PINX1: variants seen among roughly 807,000 people sequenced by gnomAD.
The protein encoded by PINX1 is PIN2 (TERF1) interacting telomerase inhibitor 1.
In PINX1, 34 loss-of-function variants were observed where a neutral mutation model predicts 25.4. That is an observed-to-expected ratio of 1.34 (90% CI 1.02 to 1.78). The LOEUF (loss-of-function observed/expected upper bound fraction) is 1.78. Among genes scored for constraint, PINX1 ranks in the 40% most tolerant of loss-of-function variants. The pLI, the probability that PINX1 is intolerant of heterozygous loss-of-function variation, is 0.00. For missense variants in PINX1, 592 were observed against 404.9 expected (o/e 1.46, Z -3.97); for synonymous variants, 197 against 147.7 (o/e 1.33, Z -2.42).
chr8:10,773,482 G>A (rs1436205029), intron 6 of PINX1, among the ~76,000 whole-genome samples: 1 of 152,142 alleles, frequency 6.6e-6, no homozygotes, highest in Non-Finnish European at 1.5e-5. Flanking sequence ...CTAATATCAG[G>A]CATCAGAACT....
intron 6 of PINX1, among the ~76,000 whole-genome samples, chr8:10,776,420 G>A (rs980529328): frequency 3.9e-5 from 5 of 129,146 alleles, no homozygotes; most frequent in African/African-American, 8.9e-5. Context: ...GTGAGACTCC[G>A]CTCAATAAAT....
chr8:10,815,359 T>C (rs1036103864), intron 6 of PINX1, among the ~76,000 whole-genome samples: 2 of 152,270 alleles, frequency 1.3e-5, no homozygotes, highest in African/African-American at 4.8e-5. Flanking sequence ...CGCTTTGATA[T>C]AATTTTCTTT....
At chr8:10,820,151 C>T (rs72549129) in intron 6 of PINX1, 42 bp downstream of exon 6, 7 of 1,223,444 alleles carry the variant, frequency 5.7e-6, no homozygotes, top group Middle Eastern at 1.9e-4. Flanking sequence ...GAAAATCAGA[C>T]AGTATTAAAG....
At chr8:10,835,863 CTTTT>C (rs200970284) in intron 1 of PINX1, among the ~76,000 whole-genome samples, 1 of 152,064 alleles carries the variant, frequency 6.6e-6, no homozygotes, top group African/African-American at 2.4e-5. Context: ...ATCAAAGCAA[CTTTT>C]TTTAATGCAT....
At chr8:10,776,858 C>T (rs938266066) in intron 6 of PINX1, among the ~76,000 whole-genome samples, 1 of 152,156 alleles carries the variant, frequency 6.6e-6, no homozygotes, top group Non-Finnish European at 1.5e-5. Context: ...CACACTGCAA[C>T]CCAAAGAAAG....
At chr8:10,823,999 G>C (rs557330273) in intron 5 of PINX1, among the ~76,000 whole-genome samples, 82 of 152,290 alleles carry the variant, frequency 5.4e-4, no homozygotes, top group Non-Finnish European at 1.0e-3. Context: ...GTTGCAATAT[G>C]AATCATCCTC....
At chr8:10,778,278 G>A (rs13256603) in intron 6 of PINX1, among the ~76,000 whole-genome samples, 7,263 of 152,078 alleles carry the variant, frequency 0.048, 195 homozygotes, top group South Asian at 0.077. Flanking sequence ...AAGAGTTTCC[G>A]ATTTTTGATT....
intron 6 of PINX1, among the ~76,000 whole-genome samples, chr8:10,815,576 C>A (rs943322493): frequency 6.6e-6 from 1 of 152,106 alleles, no homozygotes; most frequent in African/African-American, 2.4e-5. Flanking sequence ...CTTCGAAAAT[C>A]CAATGAAAGC....
chr8:10,766,123 G>C (rs891556), intron 6 of PINX1, among the ~76,000 whole-genome samples: 96,365 of 151,994 alleles, frequency 0.63, 31,883 homozygotes, highest in African/African-American at 0.82. Context: ...ACTGCAGGCC[G>C]GGAGCAAGGC....
chr8:10,808,016 A>T (rs1231160361), intron 6 of PINX1, among the ~76,000 whole-genome samples: 1 of 152,246 alleles, frequency 6.6e-6, no homozygotes, highest in African/African-American at 2.4e-5. Context: ...GGGAAAAAAC[A>T]AAATCACACA....
chr8:10,790,998 C>T (rs116995701), intron 6 of PINX1, among the ~76,000 whole-genome samples: 70 of 152,250 alleles, frequency 4.6e-4, no homozygotes, highest in African/African-American at 1.5e-3. Context: ...CTGCAGCCTC[C>T]GCTTCCCAAG....
chr8:10,825,855 C>T (rs1350070135), intron 5 of PINX1, among the ~76,000 whole-genome samples: 1 of 152,236 alleles, frequency 6.6e-6, no homozygotes, highest in Non-Finnish European at 1.5e-5. Flanking sequence ...GACCTAGCTA[C>T]ATAAAGTCCC....
At position 10,766,489 on chromosome 8, in the gene PINX1, C is replaced by G. The variant is rs13259278; in HGVS notation, c.472-573G>C. Among the ~76,000 whole-genome samples, 6 of 152,310 alleles carry G rather than the reference C, an allele frequency of 3.9e-5. No individual in the cohort carries two copies. In the East Asian group the frequency reaches 1.2e-3, roughly 29 times the overall value. On this transcript the variant is annotated intron_variant, in intron 6 of 6. Coordinates refer to ENST00000314787, the MANE Select transcript of PINX1 (RefSeq NM_017884.6). ...CACCCTTTCTCCCCCAAAGGTGGAGCGTGGCCGCTCTGGCAGCTGCTCCTG... is the reference window on the plus strand; with the variant it reads ...CACCCTTTCTCCCCCAAAGGTGGAGGGTGGCCGCTCTGGCAGCTGCTCCTG...
intron 1 of PINX1, among the ~76,000 whole-genome samples, chr8:10,837,643 C>G (rs967668214): frequency 6.6e-6 from 1 of 152,176 alleles, no homozygotes; most frequent in Non-Finnish European, 1.5e-5. Flanking sequence ...AGCAGGTACT[C>G]CTATGTGGAG....
At chr8:10,798,840 T>A (rs1425591884) in intron 6 of PINX1, among the ~76,000 whole-genome samples, 1 of 152,218 alleles carries the variant, frequency 6.6e-6, no homozygotes, top group African/African-American at 2.4e-5. Flanking sequence ...ACAATATGCA[T>A]TTCTAATAAG....
intron 6 of PINX1, among the ~76,000 whole-genome samples, chr8:10,781,399 A>G (rs1044038598): frequency 2.6e-5 from 4 of 152,218 alleles, no homozygotes; most frequent in African/African-American, 9.6e-5. Flanking sequence ...CAATCAACAC[A>G]ATGAAAAGGC....
intron 6 of PINX1, among the ~76,000 whole-genome samples, chr8:10,801,729 C>G (rs948844856): frequency 4.6e-5 from 7 of 152,136 alleles, no homozygotes; most frequent in African/African-American, 1.7e-4. Flanking sequence ...TACAGCAAAC[C>G]ACCTCTAATG....
At chr8:10,821,911 A>C (rs1393926161) in intron 5 of PINX1, 1 of 152,256 alleles carries the variant, frequency 6.6e-6, no homozygotes, top group Non-Finnish European at 1.5e-5. Flanking sequence ...CTAAAACATG[A>C]TGTCAAAATG....
rs533583730 is a variant in PINX1, at chr8:10,837,848, T to C, written c.19+1890A>G. Among the ~76,000 whole-genome samples the C allele has an allele frequency of 9.2e-5, 14 of 152,346 alleles. No homozygotes were observed. The South Asian group carries it at 2.9e-3, about 32-fold the overall frequency. On this transcript the variant is annotated intron_variant, in intron 1 of 6. Transcript: ENST00000314787. ...GAGGTTGATCAGAAGGAGAGTATTG[T>C]TACACTAAATTAAATTTGGCCTGAG...
Sources: allele counts gnomAD v4.1 joint callset (sites outside exome capture counted in the v4.1 genomes callset), GRCh38; gene constraint gnomAD v4.1.1; transcripts MANE v1.5; gene names NCBI Gene and HGNC (gene_info 2026-07-23, HGNC 2026-07-21).